Variants in NPR3 observed in about 807,000 individuals in gnomAD.
NPR3 encodes atrial natriuretic peptide receptor 3.
Under a neutral mutation model 54.5 loss-of-function variants are expected in NPR3, and 34 were observed. The observed-to-expected ratio is 0.62, with a 90% CI of 0.47 to 0.83. The LOEUF is 0.83. Ranked by LOEUF, NPR3 falls within the 40% of genes least tolerant of loss-of-function variation. The pLI is 0.00. For missense variants in NPR3, 674 were observed against 720.8 expected, an observed-to-expected ratio of 0.94 and a Z score of 0.74; for synonymous variants, 289 against 297.1, an observed-to-expected ratio of 0.97 and a Z score of 0.28.
intron 3 of NPR3, among the ~76,000 whole-genome samples, chr5:32,742,116 A>T (rs1038025063): frequency 2.6e-5 from 4 of 151,692 alleles, no homozygotes; most frequent in African/African-American, 9.7e-5. Flanking sequence ...TGTGCTAATG[A>T]GTTGTCTCAT....
At position 32,786,539 on chromosome 5, in the gene NPR3, A is replaced by G; in HGVS notation, c.*194A>G. ...CATCTGCCTCCAGGCCTTTCATCTC[A>G]TGACAAACAAATATAATAATGATAT... On this transcript the variant is annotated 3_prime_UTR_variant, in exon 8 of 8. Coordinates refer to ENST00000265074, the MANE Select transcript of NPR3 (RefSeq NM_001204375.2). The G allele has an allele frequency of 1.8e-6, 1 of 562,756 alleles. No homozygotes were observed. The highest frequency in any genetic ancestry group is 3.3e-5 in the East Asian group (1 of 30,520). The allele number at this position is 562,756 out of a possible 1,614,324, so 34.9% of individuals were successfully genotyped here.
chr5:32,743,987 A>ATCTTTTTTTTTTTTTTTTTTTTTTTT lies in NPR3; in HGVS notation c.1059+4958_1059+4959insCTTTTTTTTTTTTTTTTTTTTTTTTT, dbSNP rs1425701544. ...GGGGAAATCTATTCCATTCTGATGC[A>ATCTTTTTTTTTTTTTTTTTTTTTTTT]TTTTTTTTTTTTTTTTTTTTTTTTG... is the stretch of plus-strand genomic sequence containing the variant. On this transcript the variant is annotated intron_variant, in intron 3 of 7. Transcript: ENST00000265074. Among the ~76,000 whole-genome samples, 2 of 113,834 alleles carry ATCTTTTTTTTTTTTTTTTTTTTTTTT rather than the reference A, an allele frequency of 1.8e-5. 1 individual carries two copies. Among genetic ancestry groups the ATCTTTTTTTTTTTTTTTTTTTTTTTT allele is most frequent in the African/African-American group, 6.9e-5 (2 of 28,832 alleles). The allele number at this position is 113,834 out of a possible 152,430, so 74.7% of individuals were successfully genotyped here.
At chr5:32,736,169 T>A (rs974700506) in intron 2 of NPR3, among the ~76,000 whole-genome samples, 2 of 142,550 alleles carry the variant, frequency 1.4e-5, no homozygotes, top group Non-Finnish European at 3.0e-5. Context: ...AGGCAAAGGT[T>A]GCAGTGAGCT....
intron 3 of NPR3, among the ~76,000 whole-genome samples, chr5:32,758,901 T>G (rs1180985096): frequency 2.0e-5 from 3 of 152,210 alleles, no homozygotes; most frequent in South Asian, 2.1e-4. Flanking sequence ...AGTTTCCATG[T>G]AGTTGAGCAG....
intron 2 of NPR3, among the ~76,000 whole-genome samples, chr5:32,735,479 CAA>C (rs10555665): frequency 0.069 from 8,760 of 127,004 alleles, 308 homozygotes; most frequent in Non-Finnish European, 0.082. Flanking sequence ...AGAAAAATAC[CAA>C]AAAAAAAAAA....
At position 32,774,752 on chromosome 5, in the gene NPR3, C is replaced by A. The variant is rs140897654; in HGVS notation, c.1104C>A (p.Tyr368Ter). ...GATTCCACGATGCCATCCTCCTCTACGTCTTGGCTCTACATGAAGTACTCA... is the reference window on the plus strand; with the variant it reads ...GATTCCACGATGCCATCCTCCTCTAAGTCTTGGCTCTACATGAAGTACTCA... ...VEGFHDAILL[Y>*]VLALHEVLRA... The change falls in exon 4 of 8, where the codon TAC becomes TAA. Residue 368 changes from tyrosine (Y) to a stop codon, truncating the protein, a stop_gained. Transcript: ENST00000265074. LOFTEE classifies it high-confidence loss of function. 6.2e-7 allele frequency: 1 copy of A among 1,606,978 alleles called. No homozygotes were observed. The highest frequency in any genetic ancestry group is 1.1e-5 in the South Asian group (1 of 90,932).
chr5:32,694,828 A>G (rs908768222), intron 1 of NPR3, among the ~76,000 whole-genome samples: 6 of 152,118 alleles, frequency 3.9e-5, no homozygotes, highest in African/African-American at 1.4e-4. Flanking sequence ...TTACCCCATT[A>G]ACCATCCCTA....
chr5:32,712,030 G>A lies in NPR3; in HGVS notation c.254G>A (p.Gly85Asp). 1 of 1,613,782 alleles carries A rather than the reference G, an allele frequency of 6.2e-7. No homozygotes were observed. The highest frequency in any genetic ancestry group is 8.5e-7 in the Non-Finnish European group (1 of 1,179,768). ...AIEYALRSVE[G>D]NGTGRRLLPP... ...GAGTATGCTCTGCGCAGCGTGGAGG[G>A]CAACGGGACTGGGAGGCGGCTTCTG... Residue 85 changes from glycine to aspartate, a missense_variant, in exon 1 of 8, where the codon GGC (glycine) becomes GAC (aspartate). Transcript: ENST00000265074.
At chr5:32,786,031 G>A (rs535741155) in intron 7 of NPR3, among the ~76,000 whole-genome samples, 1 of 152,286 alleles carries the variant, frequency 6.6e-6, no homozygotes, top group South Asian at 2.1e-4. Flanking sequence ...TGTGGTATTT[G>A]GGAAAGCATG....
At chr5:32,702,727 T>C (rs1737857415) in intron 1 of NPR3, among the ~76,000 whole-genome samples, 2 of 152,178 alleles carry the variant, frequency 1.3e-5, no homozygotes, top group Admixed American at 1.3e-4. Flanking sequence ...AGCATACGTG[T>C]GCATGTGTCT....
intron 1 of NPR3, among the ~76,000 whole-genome samples, chr5:32,719,026 C>T (rs1290318850): frequency 1.3e-5 from 2 of 152,156 alleles, no homozygotes; most frequent in African/African-American, 4.8e-5. Flanking sequence ...AGATACATTC[C>T]ATCAATACCT....
rs1407473627 is a variant in NPR3 at position 32,782,880 on chromosome 5, T to C, written c.1291-13T>C. 6.3e-7 allele frequency: 1 copy of C among 1,587,894 alleles called. No homozygotes were observed. Among genetic ancestry groups the C allele is most frequent in the Non-Finnish European group, 8.6e-7 (1 of 1,169,342 alleles). On this transcript the variant is annotated splice_polypyrimidine_tract_variant and intron_variant, in intron 5 of 7. Coordinates refer to ENST00000265074, the MANE Select transcript of NPR3 (RefSeq NM_001204375.2). Reference sequence around the variant, plus strand: ...CTTTTTGGTTTGTCTATTTGTTTTTTGCCTCTATATAGGTTATTGGTGATT... The same window carrying C: ...CTTTTTGGTTTGTCTATTTGTTTTTCGCCTCTATATAGGTTATTGGTGATT...
chr5:32,782,629 C>T (rs547049272), intron 5 of NPR3, among the ~76,000 whole-genome samples: 1 of 152,296 alleles, frequency 6.6e-6, no homozygotes, highest in East Asian at 1.9e-4. Context: ...CTTGAGAGCA[C>T]CATCAGCGAC....
chr5:32,713,525 G>A (rs547995250), intron 1 of NPR3: 2 of 927,860 alleles, frequency 2.2e-6, no homozygotes, highest in African/African-American at 3.6e-5. Context: ...GCACTGCGAT[G>A]AGGGAATCCC....
chr5:32,724,567 A>T (rs1739037729), intron 1 of NPR3, 131 bp from the exon 2 acceptor site: 23 of 1,023,142 alleles, frequency 2.2e-5, no homozygotes, highest in Non-Finnish European at 3.3e-5. Flanking sequence ...GTAGTTAACA[A>T]GTGATTGTGA....
At chr5:32,714,695 ATCATCCT>A (rs1332070845) in intron 1 of NPR3, among the ~76,000 whole-genome samples, 1 of 152,180 alleles carries the variant, frequency 6.6e-6, no homozygotes, top group Admixed American at 6.5e-5. Context: ...ATCGCCTCTA[ATCATCCT>A]TCCACCCCGA....
At chr5:32,771,071 T>C (rs1289543438) in intron 3 of NPR3, among the ~76,000 whole-genome samples, 2 of 152,116 alleles carry the variant, frequency 1.3e-5, no homozygotes, top group Admixed American at 6.5e-5. Flanking sequence ...TTCTCCCTTA[T>C]TTTTTTCTTA....
At chr5:32,727,686 T>C (rs547564616) in intron 2 of NPR3, among the ~76,000 whole-genome samples, 4 of 152,230 alleles carry the variant, frequency 2.6e-5, no homozygotes, top group African/African-American at 4.8e-5. Context: ...TATTTTGGAA[T>C]GGTATTTATG....
intron 3 of NPR3, among the ~76,000 whole-genome samples, chr5:32,745,008 C>T (rs556724936): frequency 8.5e-5 from 13 of 152,188 alleles, no homozygotes; most frequent in African/African-American, 2.4e-4. Flanking sequence ...ATAGAAAGTA[C>T]GTCAAATCAA....
Sources: allele counts gnomAD v4.1 joint callset (sites outside exome capture counted in the v4.1 genomes callset), GRCh38; gene constraint gnomAD v4.1.1; transcripts MANE v1.5; gene names NCBI Gene and HGNC (gene_info 2026-07-23, HGNC 2026-07-21).